SPHKAP: variants seen among roughly 807,000 people sequenced by gnomAD.
SPHKAP encodes SPHK1 interactor, AKAP domain containing.
SPHKAP carries 67 observed loss-of-function variants against 137.5 expected under a neutral mutation model. The observed-to-expected ratio is 0.49, with a 90% CI of 0.40 to 0.60. The LOEUF is 0.60. Among genes scored for constraint, SPHKAP ranks in the 20% least tolerant of loss-of-function variants. The pLI, the probability that SPHKAP is intolerant of heterozygous loss-of-function variation, is 0.00. For missense variants in SPHKAP, 2,097 were observed against 2,069.3 expected, an observed-to-expected ratio of 1.01 and a Z score of -0.26; for synonymous variants, 813 against 785.3, an observed-to-expected ratio of 1.04 and a Z score of -0.59.
intron 2 of SPHKAP, among the ~76,000 whole-genome samples, chr2:228,129,984 C>T (rs764988161): frequency 5.3e-5 from 8 of 151,740 alleles, no homozygotes; most frequent in African/African-American, 7.3e-5. Context: ...TTAGTAGAGA[C>T]GGAGTTTCAC....
intron 2 of SPHKAP, 136 bp from the exon 3 acceptor site, chr2:228,109,075 A>G: frequency 1.7e-6 from 1 of 594,500 alleles, no homozygotes; most frequent in Middle Eastern, 4.6e-4. Flanking sequence ...GGTGTTAGAA[A>G]AAAACTTGCA....
At chr2:228,137,680 G>GA (rs912077846) in intron 1 of SPHKAP, among the ~76,000 whole-genome samples, 7 of 150,886 alleles carry the variant, frequency 4.6e-5, no homozygotes, top group African/African-American at 7.3e-5. Context: ...CCCAACACTA[G>GA]AAAAAAAAAT....
chr2:228,130,606 T>A (rs1559190025), intron 2 of SPHKAP, among the ~76,000 whole-genome samples: 1 of 152,170 alleles, frequency 6.6e-6, no homozygotes, highest in African/African-American at 2.4e-5. Flanking sequence ...ATATGTATTT[T>A]AAAAAATTAG....
chr2:228,162,439 T>A (rs1344185740), intron 1 of SPHKAP, among the ~76,000 whole-genome samples: 1 of 152,238 alleles, frequency 6.6e-6, no homozygotes. Context: ...TACTGATTGG[T>A]AAGCTTTATC....
intron 7 of SPHKAP, among the ~76,000 whole-genome samples, chr2:228,007,394 G>T (rs1239719886): frequency 6.6e-6 from 1 of 151,936 alleles, no homozygotes; most frequent in Non-Finnish European, 1.5e-5. Context: ...TCACCTTTCT[G>T]TGCAATAGAG....
At chr2:228,170,739 A>G (rs1177948533) in intron 1 of SPHKAP, among the ~76,000 whole-genome samples, 1 of 152,052 alleles carries the variant, frequency 6.6e-6, no homozygotes, top group African/African-American at 2.4e-5. Flanking sequence ...CCCTTGGAAA[A>G]CCAAAAAAAT....
rs188584778 is a variant in SPHKAP, at chr2:228,051,441, T to C, written c.247-23898A>G. Among the ~76,000 whole-genome samples, 513 of 152,308 alleles carry C rather than the reference T, an allele frequency of 3.4e-3. 4 individuals carry two copies. Among genetic ancestry groups the C allele is most frequent in the African/African-American group, 0.01 (422 of 41,568 alleles). On this transcript the variant is annotated intron_variant, in intron 3 of 11. Coordinates refer to ENST00000392056, the MANE Select transcript of SPHKAP (RefSeq NM_001142644.2). ...TGCAAGCAAGAATTTGAAATATGCC[T>C]GTGTGGTGGACTTGTCCTCTTTGTG...
intron 5 of SPHKAP, among the ~76,000 whole-genome samples, chr2:228,023,767 A>G (rs1437683518): frequency 6.6e-6 from 1 of 152,226 alleles, no homozygotes; most frequent in Non-Finnish European, 1.5e-5. Flanking sequence ...ACCTCAGCAG[A>G]GTCCAAGTGA....
At chr2:228,162,791 C>T (rs995589588) in intron 1 of SPHKAP, among the ~76,000 whole-genome samples, 36 of 152,116 alleles carry the variant, frequency 2.4e-4, no homozygotes, top group African/African-American at 5.8e-4. Flanking sequence ...CTCCGCCTCC[C>T]GGGTTCAGGT....
At chr2:228,095,147 AAGAC>A (rs1456748531) in intron 3 of SPHKAP, among the ~76,000 whole-genome samples, 1 of 152,228 alleles carries the variant, frequency 6.6e-6, no homozygotes, top group Non-Finnish European at 1.5e-5. Flanking sequence ...GGAAATTTGA[AAGAC>A]AGAACATATT....
chr2:228,013,252 T>G (rs779520366), intron 7 of SPHKAP, among the ~76,000 whole-genome samples: 3 of 152,176 alleles, frequency 2.0e-5, no homozygotes, highest in African/African-American at 7.2e-5. Context: ...TTGTAAGATA[T>G]TCCTTTTTCT....
chr2:228,111,038 C>T (rs750560996), intron 2 of SPHKAP, among the ~76,000 whole-genome samples: 3 of 152,028 alleles, frequency 2.0e-5, no homozygotes, highest in Non-Finnish European at 4.4e-5. Flanking sequence ...CTTGAGGTCC[C>T]TAATATTTTT....
chr2:228,025,422 T>G lies in SPHKAP; in HGVS notation c.413A>C (p.Asn138Thr). The G allele has an allele frequency of 6.2e-7, 1 of 1,613,856 alleles. No homozygotes were observed. Among genetic ancestry groups the G allele is most frequent in the Non-Finnish European group, 8.5e-7 (1 of 1,179,912 alleles). The change falls in exon 5 of 12, where the codon AAT becomes ACT. Residue 138 changes from asparagine (N) to threonine (T), a missense_variant. Transcript: ENST00000392056. ...IVVLSGLASG[N>T]LQADFEVSQC... ...TGAAACTTCAAAATCTGCCTGGAGATTTCCAGAGGCTAACCCACTTAGGAC... is the reference window on the plus strand; with the variant it reads ...TGAAACTTCAAAATCTGCCTGGAGAGTTCCAGAGGCTAACCCACTTAGGAC...
chr2:228,034,786 A>T (rs887577573), intron 3 of SPHKAP, among the ~76,000 whole-genome samples: 1 of 152,240 alleles, frequency 6.6e-6, no homozygotes, highest in Non-Finnish European at 1.5e-5. Flanking sequence ...AAACTACATG[A>T]TTATCTTAAT....
chr2:228,012,842 A>G (rs1355326922), intron 7 of SPHKAP, among the ~76,000 whole-genome samples: 1 of 152,228 alleles, frequency 6.6e-6, no homozygotes, highest in East Asian at 1.9e-4. Context: ...TTTGTTGTTT[A>G]TACTTTGTGG....
chr2:228,078,744 T>C (rs762010098), intron 3 of SPHKAP, among the ~76,000 whole-genome samples: 5 of 152,108 alleles, frequency 3.3e-5, no homozygotes, highest in South Asian at 2.1e-4. Context: ...AAGGACAGTG[T>C]GACATTACTC....
At chr2:228,128,751 C>T (rs879826459) in intron 2 of SPHKAP, among the ~76,000 whole-genome samples, 5 of 152,138 alleles carry the variant, frequency 3.3e-5, no homozygotes, top group Non-Finnish European at 7.3e-5. Context: ...TTATTAATTT[C>T]CATGTATATC....
At chr2:228,153,436 G>T (rs1407397596) in intron 1 of SPHKAP, among the ~76,000 whole-genome samples, 1 of 152,046 alleles carries the variant, frequency 6.6e-6, no homozygotes, top group African/African-American at 2.4e-5. Context: ...CTCAGTTTTT[G>T]TCTGTATAAA....
intron 3 of SPHKAP, among the ~76,000 whole-genome samples, chr2:228,057,578 G>A (rs924077130): frequency 6.6e-6 from 1 of 152,172 alleles, no homozygotes; most frequent in African/African-American, 2.4e-5. Flanking sequence ...GGTCTTGGAG[G>A]CAAGGTGGGG....
Sources: allele counts gnomAD v4.1 joint callset (sites outside exome capture counted in the v4.1 genomes callset), GRCh38; gene constraint gnomAD v4.1.1; transcripts MANE v1.5; gene names NCBI Gene and HGNC (gene_info 2026-07-23, HGNC 2026-07-21).